The following HCLS1 variants were observed in gnomAD, a reference collection of about 807,000 sequenced individuals.
HCLS1 encodes the protein hematopoietic lineage cell-specific protein.
In HCLS1, 44 loss-of-function variants were observed where a neutral mutation model predicts 68.6. The ratio of observed to expected loss-of-function variants is 0.64; its 90% CI spans 0.50 to 0.82. The LOEUF (loss-of-function observed/expected upper bound fraction) is 0.82. Among genes scored for constraint, HCLS1 ranks in the 40% least tolerant of loss-of-function variants. HCLS1 has a pLI of 0.00. For missense variants in HCLS1, 602 were observed against 612.1 expected (o/e 0.98, Z 0.17); for synonymous variants, 217 against 225.8 (o/e 0.96, Z 0.35).
chr3:121,652,331 A>G (rs1278276526), intron 3 of HCLS1, among the ~76,000 whole-genome samples: 1 of 152,102 alleles, frequency 6.6e-6, no homozygotes, highest in Non-Finnish European at 1.5e-5. Flanking sequence ...TCATTGAACT[A>G]TTTGCTTATA....
At chr3:121,657,229 G>T in intron 3 of HCLS1, 50 bp downstream of exon 3, 1 of 1,504,374 alleles carries the variant, frequency 6.6e-7, no homozygotes, top group Non-Finnish European at 9.2e-7. Context: ...AGTTTTCTTT[G>T]GGCTCTTCCC....
At chr3:121,655,065 G>C (rs1937831164) in intron 3 of HCLS1, among the ~76,000 whole-genome samples, 1 of 152,186 alleles carries the variant, frequency 6.6e-6, no homozygotes, top group Non-Finnish European at 1.5e-5. Context: ...GTAAATGGGA[G>C]ATGAGCGAGA....
intron 2 of HCLS1, 33 bp downstream of exon 2, chr3:121,658,231 G>T (rs757767048): frequency 6.5e-7 from 1 of 1,542,596 alleles, no homozygotes; most frequent in Non-Finnish European, 9.0e-7. Context: ...CCCACCCTCT[G>T]CACTGTCCAA....
chr3:121,658,215 C>G, intron 2 of HCLS1, 49 bp downstream of exon 2: 27 of 1,370,214 alleles, frequency 2.0e-5, no homozygotes, highest in Non-Finnish European at 2.5e-5. Context: ...CAGATGCCCT[C>G]CTCACCCCAC....
intron 6 of HCLS1, among the ~76,000 whole-genome samples, chr3:121,642,468 C>G (rs2107466960): frequency 6.6e-6 from 1 of 151,772 alleles, no homozygotes; most frequent in African/African-American, 2.4e-5. Context: ...GACTCCCTCT[C>G]AAAAAAATAA....
chr3:121,655,433 AT>A (rs1937839688), intron 3 of HCLS1: 1 of 44,970 alleles, frequency 2.2e-5, no homozygotes, highest in Non-Finnish European at 5.1e-5. Flanking sequence ...TTTTTAAGTT[AT>A]TTCATTTTTT....
At position 121,633,066 on chromosome 3, in the gene HCLS1, C is replaced by T; in HGVS notation, c.1008+1G>A. The T allele has an allele frequency of 6.2e-7, 1 of 1,600,672 alleles. No homozygotes were observed. The highest frequency in any genetic ancestry group is 8.6e-7 in the Non-Finnish European group (1 of 1,168,306). ...CAGAGAATCTTTGGGGGTTTGCTTA[C>T]CTCCGGGAGAGTCTGCCTAATGGGC... is the stretch of plus-strand genomic sequence containing the variant. On this transcript the variant is annotated splice_donor_variant, in intron 11 of 13. Transcript: ENST00000314583. LOFTEE classifies it high-confidence loss of function.
chr3:121,636,547 G>A, intron 7 of HCLS1, 58 bp from the exon 8 acceptor site: 1 of 1,306,342 alleles, frequency 7.7e-7, no homozygotes, highest in Non-Finnish European at 1.1e-6. Context: ...TGGGTGGTGA[G>A]AAGAATCAGT....
At chr3:121,646,242 T>TTA (rs2049246687) in intron 4 of HCLS1, among the ~76,000 whole-genome samples, 1 of 108,820 alleles carries the variant, frequency 9.2e-6, no homozygotes, top group African/African-American at 3.8e-5. Flanking sequence ...TATATATATT[T>TTA]TATATATATT....
intron 7 of HCLS1, 142 bp from the exon 8 acceptor site, chr3:121,636,631 A>T: frequency 1.5e-6 from 1 of 682,590 alleles, no homozygotes; most frequent in South Asian, 1.8e-5. Flanking sequence ...GGAGGCATGG[A>T]TGGGAAGAGA....
At chr3:121,652,659 CA>C (rs760378199) in intron 3 of HCLS1, among the ~76,000 whole-genome samples, 2 of 151,032 alleles carry the variant, frequency 1.3e-5, no homozygotes, top group Non-Finnish European at 1.5e-5. Context: ...AACTCCGTCT[CA>C]AAAAAAACAA....
Position 121,653,085 on chromosome 3 carries a change from G to A in HCLS1, c.158+4194C>T, listed in dbSNP as rs530256913. Among the ~76,000 whole-genome samples, 10 of 152,188 alleles carry A rather than the reference G, an allele frequency of 6.6e-5. No individual in the cohort carries two copies. In the South Asian group the frequency reaches 1.7e-3, roughly 25 times the overall value. Reference sequence around the variant, plus strand: ...ATACATAATGAGATATCTTGGGGACGAGACCCATGTGTAAACAGGAAATTC... The same window carrying A: ...ATACATAATGAGATATCTTGGGGACAAGACCCATGTGTAAACAGGAAATTC... On this transcript the variant is annotated intron_variant, in intron 3 of 13. Coordinates refer to ENST00000314583, the MANE Select transcript of HCLS1 (RefSeq NM_005335.6).
At chr3:121,642,445 G>A (rs1576464143) in intron 6 of HCLS1, among the ~76,000 whole-genome samples, 1 of 152,196 alleles carries the variant, frequency 6.6e-6, no homozygotes, top group Non-Finnish European at 1.5e-5. Context: ...CTCTAGCCTG[G>A]GTGACAGAGC....
intron 6 of HCLS1, among the ~76,000 whole-genome samples, chr3:121,641,817 C>G (rs1167249637): frequency 6.6e-6 from 1 of 152,156 alleles, no homozygotes; most frequent in Admixed American, 6.5e-5. Flanking sequence ...CGCGGTGACT[C>G]AAGCCTGTAA....
chr3:121,638,066 G>A (rs996891056), intron 6 of HCLS1, among the ~76,000 whole-genome samples: 5 of 152,062 alleles, frequency 3.3e-5, no homozygotes, highest in African/African-American at 1.2e-4. Flanking sequence ...AAAACCCAAG[G>A]GCATTTTTGG....
chr3:121,636,086 G>A (rs547229881), intron 8 of HCLS1, among the ~76,000 whole-genome samples: 1 of 152,352 alleles, frequency 6.6e-6, no homozygotes, highest in Non-Finnish European at 1.5e-5. Flanking sequence ...GCTCATGCAT[G>A]AGGAGGAACT....
Position 121,658,326 on chromosome 3 carries a change from G to A in HCLS1, c.22C>T (p.His8Tyr). 1.2e-6 allele frequency: 2 copies of A among 1,613,674 alleles called. No individual in the cohort carries two copies. Among genetic ancestry groups the A allele is most frequent in the Non-Finnish European group, 1.7e-6 (2 of 1,179,640 alleles). ...GTCTCCACGGAAACAGACACATCAT[G>A]GCCCACTACAGACTTCCACATCTGA... MWKSVVGHDVSVSVETQG... is the reference protein window; with the variant it reads MWKSVVGYDVSVSVETQG... The change falls in exon 2 of 14, where the codon CAT (histidine) becomes TAT (tyrosine). Residue 8 changes from histidine to tyrosine, a missense_variant. By Grantham distance (83) the His-to-Tyr change is moderately conservative. Transcript: ENST00000314583.
intron 4 of HCLS1, among the ~76,000 whole-genome samples, chr3:121,645,757 T>C (rs568984183): frequency 2.6e-5 from 4 of 151,400 alleles, no homozygotes; most frequent in African/African-American, 9.7e-5. Flanking sequence ...GAGTTTTAAC[T>C]CATGAACCAA....
At chr3:121,638,885 A>G (rs1194911853) in intron 6 of HCLS1, among the ~76,000 whole-genome samples, 1 of 152,126 alleles carries the variant, frequency 6.6e-6, no homozygotes, top group Non-Finnish European at 1.5e-5. Context: ...GCTCTCAAAT[A>G]AAAGAAAAAT....
Sources: allele counts gnomAD v4.1 joint callset (sites outside exome capture counted in the v4.1 genomes callset), GRCh38; gene constraint gnomAD v4.1.1; transcripts MANE v1.5; gene names NCBI Gene and HGNC (gene_info 2026-07-23, HGNC 2026-07-21).